Variants in NDUFAF6 observed in about 807,000 individuals in gnomAD.
NDUFAF6 encodes the protein NADH:ubiquinone oxidoreductase complex assembly factor 6.
A neutral mutation model predicts 40.8 loss-of-function variants in NDUFAF6; 45 were observed. The observed-to-expected ratio is 1.10, with a 90% CI of 0.87 to 1.42. The LOEUF (loss-of-function observed/expected upper bound fraction) is 1.42. NDUFAF6 is among the 40% of genes most tolerant of loss of function. The pLI is 0.00. For synonymous variants in NDUFAF6, 185 were observed against 155.9 expected, an observed-to-expected ratio of 1.19 and a Z score of -1.39; for missense variants, 435 against 418.5, an observed-to-expected ratio of 1.04 and a Z score of -0.34.
chr8:95,012,567 T>C (rs1335802193), intron 2 of NDUFAF6, among the ~76,000 whole-genome samples: 1 of 152,158 alleles, frequency 6.6e-6, no homozygotes, highest in Non-Finnish European at 1.5e-5. Flanking sequence ...CCCAGCACTT[T>C]GGGAGGCCTA....
In NDUFAF6 at chr8:95,035,465, A is replaced by T. The variant is rs369104755; in HGVS notation, c.309A>T (p.Ser103=). The change falls in exon 3 of 9, where the codon TCA becomes TCT. Residue 103 remains serine (S), a synonymous_variant. Coordinates refer to ENST00000396124, the MANE Select transcript of NDUFAF6 (RefSeq NM_152416.4). ...AACCCTGTTTATAGGTTAAAGACTC[A>T]GTCTCTGAGAAAACAATTGGACTGA... ...FNVELAQVKD[S]VSEKTIGLMR... 93 of 1,613,816 alleles carry T rather than the reference A, an allele frequency of 5.8e-5. No individual in the cohort carries two copies. The African/African-American group carries it at 1.1e-3, about 19-fold the overall frequency.
intron 1 of NDUFAF6, among the ~76,000 whole-genome samples, chr8:94,964,858 A>G (rs1175868218): frequency 2.0e-5 from 3 of 152,186 alleles, no homozygotes; most frequent in African/African-American, 7.2e-5. Flanking sequence ...CATCTCCCTG[A>G]TGGACCATGG....
chr8:94,980,006 A>G (rs2131575406), intron 1 of NDUFAF6, among the ~76,000 whole-genome samples: 1 of 152,128 alleles, frequency 6.6e-6, no homozygotes, highest in South Asian at 2.1e-4. Context: ...CTGAAGTAGG[A>G]GAATCACTTG....
intron 4 of NDUFAF6, among the ~76,000 whole-genome samples, chr8:95,112,528 A>G (rs938699361): frequency 6.6e-6 from 1 of 152,226 alleles, no homozygotes; most frequent in Non-Finnish European, 1.5e-5. Context: ...TCTGGCCTCT[A>G]AAACTATGAG....
At chr8:95,109,607 G>T (rs1268278108) in intron 4 of NDUFAF6, among the ~76,000 whole-genome samples, 18 of 92,702 alleles carry the variant, frequency 1.9e-4, no homozygotes, top group East Asian at 5.8e-4. Flanking sequence ...GAGAGAGAGA[G>T]AGAGAGAGAG....
At chr8:95,032,836 GCA>G (rs1829016715) in intron 2 of NDUFAF6, among the ~76,000 whole-genome samples, 1 of 152,138 alleles carries the variant, frequency 6.6e-6, no homozygotes, top group Non-Finnish European at 1.5e-5. Flanking sequence ...TGGCACCGAG[GCA>G]CAACTGAGAT....
At chr8:94,932,233 C>A in intron 1 of NDUFAF6, 1 of 944,810 alleles carries the variant, frequency 1.1e-6, no homozygotes, top group Admixed American at 2.1e-5. Flanking sequence ...AAGGCACGTA[C>A]ATGTGCTTAA....
chr8:94,925,308 T>C (rs189558953), intron 1 of NDUFAF6, among the ~76,000 whole-genome samples: 5 of 152,300 alleles, frequency 3.3e-5, no homozygotes, highest in East Asian at 3.9e-4. Context: ...AGCTCCACAA[T>C]AGGGGTATCA....
intron 1 of NDUFAF6, among the ~76,000 whole-genome samples, chr8:94,972,566 G>A (rs1172071078): frequency 1.3e-5 from 2 of 152,006 alleles, no homozygotes; most frequent in African/African-American, 2.4e-5. Context: ...ATAGATCAAA[G>A]ACCAACCTAA....
intron 1 of NDUFAF6, among the ~76,000 whole-genome samples, chr8:94,972,195 A>G (rs1402304550): frequency 6.6e-6 from 1 of 152,198 alleles, no homozygotes; most frequent in Non-Finnish European, 1.5e-5. Flanking sequence ...GTTTTGGTCC[A>G]TGGAGTAGCA....
intron 2 of NDUFAF6, among the ~76,000 whole-genome samples, chr8:95,090,604 C>T (rs1385586806): frequency 6.6e-6 from 1 of 152,126 alleles, no homozygotes; most frequent in Non-Finnish European, 1.5e-5. Context: ...CTTACTGTCC[C>T]ATCTTGTTGA....
chr8:94,987,042 A>G (rs910830635), intron 2 of NDUFAF6, among the ~76,000 whole-genome samples: 7 of 152,216 alleles, frequency 4.6e-5, no homozygotes, highest in Non-Finnish European at 1.0e-4. Context: ...CAGAAATCAA[A>G]CTTTACTGAT....
chr8:95,051,246 G>A (rs1055288156), intron 7 of NDUFAF6, among the ~76,000 whole-genome samples: 1 of 152,164 alleles, frequency 6.6e-6, no homozygotes, highest in Non-Finnish European at 1.5e-5. Context: ...AAAGGAGAAA[G>A]GGCCATTTAT....
intron 1 of NDUFAF6, among the ~76,000 whole-genome samples, chr8:94,935,136 G>GAT (rs151329305): frequency 6.8e-6 from 1 of 146,082 alleles, no homozygotes; most frequent in African/African-American, 2.6e-5. Context: ...GATATAGATA[G>GAT]ATAGATAGAT....
chr8:95,042,126 G>A (rs930043990), intron 4 of NDUFAF6, among the ~76,000 whole-genome samples: 6 of 152,128 alleles, frequency 3.9e-5, no homozygotes, highest in Middle Eastern at 3.4e-3. Context: ...TACTTGGATC[G>A]GTGTCTAAAT....
At chr8:94,898,903 T>TA (rs1186128365) in intron 1 of NDUFAF6, among the ~76,000 whole-genome samples, 1 of 152,252 alleles carries the variant, frequency 6.6e-6, no homozygotes, top group Non-Finnish European at 1.5e-5. Flanking sequence ...GTATTTTTCA[T>TA]ACGTTTTTAT....
At chr8:95,001,506 G>C (rs1459882631) in intron 2 of NDUFAF6, among the ~76,000 whole-genome samples, 1 of 152,126 alleles carries the variant, frequency 6.6e-6, no homozygotes, top group African/African-American at 2.4e-5. Context: ...CAACGAACTG[G>C]CCTGTCCATA....
At chr8:95,098,666 G>A (rs562437859), upstream of NDUFAF6, among the ~76,000 whole-genome samples, 21 of 149,698 alleles carry the variant, frequency 1.4e-4, no homozygotes, top group East Asian at 2.6e-3. Context: ...ACGAAACTTC[G>A]TCTCAAACAA....
chr8:95,029,464 A>G (rs2131748007), intron 1 of NDUFAF6, among the ~76,000 whole-genome samples: 1 of 152,374 alleles, frequency 6.6e-6, no homozygotes, highest in South Asian at 2.1e-4. Flanking sequence ...TTGTAAGTAC[A>G]AGGACGCTTT....
Sources: allele counts gnomAD v4.1 joint callset (sites outside exome capture counted in the v4.1 genomes callset), GRCh38; gene constraint gnomAD v4.1.1; transcripts MANE v1.5; gene names NCBI Gene and HGNC (gene_info 2026-07-23, HGNC 2026-07-21).